MEIG1: variants seen among roughly 807,000 people sequenced by gnomAD.
MEIG1 encodes the protein meiosis/spermiogenesis associated 1.
Under a neutral mutation model 11.3 loss-of-function variants are expected in MEIG1, and 12 were observed. The ratio of observed to expected loss-of-function variants is 1.07; its 90% CI spans 0.68 to 1.73. The LOEUF is 1.73. Among genes scored for constraint, MEIG1 ranks in the 40% most tolerant of loss-of-function variants. The probability of loss-of-function intolerance (pLI) is 0.00; values close to 1 mark genes in which losing one functional copy is unlikely to be tolerated. For synonymous variants in MEIG1, 41 were observed against 33.2 expected (o/e 1.24, Z -0.81); for missense variants, 119 against 104.9 (o/e 1.13, Z -0.59).
downstream of MEIG1, among the ~76,000 whole-genome samples, chr10:14,976,278 T>TCTG (rs1843209271): frequency 6.6e-6 from 1 of 152,194 alleles, no homozygotes; most frequent in South Asian, 2.1e-4. Context: ...TTATTCATAA[T>TCTG]ATTAATTACA....
chr10:14,956,578 A>G (rs1321159025), upstream of MEIG1, among the ~76,000 whole-genome samples: 1 of 152,150 alleles, frequency 6.6e-6, no homozygotes, highest in Non-Finnish European at 1.5e-5. Context: ...GCGAAACTCC[A>G]TCTCGAAAGC....
At chr10:14,987,581 T>C in intron 2 of MEIG1, 1 of 562,862 alleles carries the variant, frequency 1.8e-6, no homozygotes, top group South Asian at 2.0e-5. Context: ...GTTTCTCAGT[T>C]GTGACAATTC....
chr10:14,961,667 A>C, intron 1 of MEIG1, among the ~76,000 whole-genome samples: 1 of 37,100 alleles, frequency 2.7e-5, no homozygotes, highest in Non-Finnish European at 7.7e-5. Flanking sequence ...TTTAGTAGAG[A>C]CAGGTTTTCA....
chr10:14,981,320 G>A (rs1416779892), intron 1 of MEIG1, among the ~76,000 whole-genome samples: 1 of 152,028 alleles, frequency 6.6e-6, no homozygotes, highest in Non-Finnish European at 1.5e-5. Flanking sequence ...GGTAACTTTA[G>A]CAGCAAAGAG....
At chr10:14,964,623 A>T (rs1384644399) in intron 1 of MEIG1, among the ~76,000 whole-genome samples, 3 of 132,640 alleles carry the variant, frequency 2.3e-5, no homozygotes, top group African/African-American at 5.6e-5. Flanking sequence ...ACACACACAC[A>T]TATATATGTA....
At chr10:14,958,194 G>A (rs1842970786), upstream of MEIG1, among the ~76,000 whole-genome samples, 3 of 152,168 alleles carry the variant, frequency 2.0e-5, no homozygotes, top group South Asian at 6.2e-4. Context: ...AGGTGTTTGG[G>A]GAGGTTGTTT....
chr10:14,972,735 T>G lies in MEIG1; in HGVS notation c.*94T>G. ...TGTCATTTGATGAAATAATTCAAGA[T>G]GCAGTCTGCAGTTTAATGTTTTGTG... On this transcript the variant is annotated 3_prime_UTR_variant, in exon 3 of 3. Coordinates refer to ENST00000407572, the MANE Select transcript of MEIG1 (RefSeq NM_001080836.3). 2 of 1,176,722 alleles carry G rather than the reference T, an allele frequency of 1.7e-6. No homozygotes were observed. The highest frequency in any genetic ancestry group is 2.3e-6 in the Non-Finnish European group (2 of 855,684). 72.9% of individuals were successfully genotyped at this position (1,176,722 alleles called of 1,614,324 possible).
chr10:14,979,846 C>T (rs2131281640), intron 1 of MEIG1, among the ~76,000 whole-genome samples: 1 of 152,060 alleles, frequency 6.6e-6, no homozygotes, highest in East Asian at 1.9e-4. Context: ...CTTTTAATAT[C>T]GCAGTGGGTG....
Position 14,959,565 on chromosome 10 carries a change from GA to G in MEIG1, c.-30+9del, listed in dbSNP as rs893409720. ...GTAGAGCCGGACCCAGGGGTGGGTG[GA>G]TGCGTCGCTGGAGGCGAGGGCCCTG... On this transcript the variant is annotated intron_variant, in intron 1 of 2. Transcript: ENST00000407572. The G allele has an allele frequency of 6.6e-6, 1 of 152,298 alleles. No individual in the cohort carries two copies. Among genetic ancestry groups the G allele is most frequent in the Non-Finnish European group, 1.5e-5 (1 of 68,080 alleles). The allele number at this position is 152,298 out of a possible 1,614,324, so 9.4% of individuals were successfully genotyped here.
downstream of MEIG1, among the ~76,000 whole-genome samples, chr10:14,974,051 C>A (rs4748122): frequency 6.6e-6 from 1 of 151,912 alleles, no homozygotes; most frequent in East Asian, 1.9e-4. Context: ...TCTTCTTTTT[C>A]CCTGAATAAC....
In MEIG1 at chr10:14,972,821, C is replaced by T. The variant is rs1843168075; in HGVS notation, c.*180C>T. ...CACCTTGTCCTGTTCTAAGAACTGGCTGCAGATGCATTAAAGTTGTACTTT... is the reference window on the plus strand; with the variant it reads ...CACCTTGTCCTGTTCTAAGAACTGGTTGCAGATGCATTAAAGTTGTACTTT... On this transcript the variant is annotated 3_prime_UTR_variant, in exon 3 of 3. Transcript: ENST00000407572. 1 of 543,474 alleles carries T rather than the reference C, an allele frequency of 1.8e-6. No individual in the cohort carries two copies. Among genetic ancestry groups the T allele is most frequent in the Non-Finnish European group, 3.2e-6 (1 of 314,904 alleles). The allele number at this position is 543,474 out of a possible 1,614,324, so 33.7% of individuals were successfully genotyped here.
downstream of MEIG1, among the ~76,000 whole-genome samples, chr10:14,974,675 G>A (rs923608737): frequency 2.0e-5 from 3 of 151,896 alleles, no homozygotes; most frequent in Non-Finnish European, 1.5e-5. Flanking sequence ...AAAATCAATA[G>A]CGATAATAAT....
chr10:14,984,077 G>C (rs568119077), intron 1 of MEIG1, among the ~76,000 whole-genome samples: 3 of 152,216 alleles, frequency 2.0e-5, no homozygotes, highest in South Asian at 2.1e-4. Flanking sequence ...GTACACCCGT[G>C]TATGATATAG....
chr10:14,986,005 T>C (rs1244365110), intron 1 of MEIG1, among the ~76,000 whole-genome samples: 1 of 152,110 alleles, frequency 6.6e-6, no homozygotes, highest in African/African-American at 2.4e-5. Context: ...CATCATACTT[T>C]AGGGAGATAT....
chr10:14,984,321 T>C (rs1285930892), intron 1 of MEIG1, among the ~76,000 whole-genome samples: 2 of 152,084 alleles, frequency 1.3e-5, no homozygotes, highest in Non-Finnish European at 1.5e-5. Flanking sequence ...TTGGTTGACA[T>C]CCTGGGACAT....
chr10:14,964,309 T>C (rs1018005014), intron 1 of MEIG1, among the ~76,000 whole-genome samples: 1 of 152,004 alleles, frequency 6.6e-6, no homozygotes, highest in African/African-American at 2.4e-5. Flanking sequence ...ATCTTTCATA[T>C]TGAAGAAATA....
downstream of MEIG1, among the ~76,000 whole-genome samples, chr10:14,973,357 A>G (rs940645386): frequency 3.3e-5 from 5 of 152,178 alleles, no homozygotes; most frequent in Admixed American, 6.6e-5. Context: ...TTGTGGCCCA[A>G]GGTCTTTCTC....
intron 1 of MEIG1, among the ~76,000 whole-genome samples, chr10:14,978,306 A>G (rs1261563086): frequency 6.6e-6 from 1 of 151,894 alleles, no homozygotes; most frequent in Non-Finnish European, 1.5e-5. Context: ...ATGTATGAAA[A>G]CGTACTGTGA....
rs568080002 is a variant in MEIG1, at chr10:14,987,133, C to T, written n.285+119C>T. The stretch of plus-strand genomic sequence containing the variant: ...TGCAAAAAAGGACCAAGAAAGACAT[C>T]TGTGTCAGGCAGCCCGCATGAGAGA... On this transcript the variant is annotated intron_variant and non_coding_transcript_variant, in intron 2 of 2. Coordinates refer to the MEIG1 transcript ENST00000467536. The T allele has an allele frequency of 9.5e-6, 8 of 845,106 alleles. No individual in the cohort carries two copies. The East Asian group carries it at 2.1e-4, about 23-fold the overall frequency. The allele number at this position is 845,106 out of a possible 1,614,324, so 52.4% of individuals were successfully genotyped here. A position where few individuals can be genotyped will look rare whatever the true frequency, so the allele number is the denominator to read the frequency against.
Sources: gnomAD v4.1 joint callset for allele counts (sites outside exome capture counted in the v4.1 genomes callset) on GRCh38, gnomAD v4.1.1 for gene constraint, MANE v1.5 for transcripts, NCBI Gene and HGNC (gene_info 2026-07-23, HGNC 2026-07-21) for gene names.